Variants in CYP2C18 observed in about 807,000 individuals in gnomAD.
CYP2C18 encodes cytochrome P450 2C18.
A neutral mutation model predicts 41.3 loss-of-function variants in CYP2C18; 38 were observed. The observed-to-expected ratio is 0.92, with a 90% CI of 0.71 to 1.21. CYP2C18 has a LOEUF of 1.21. Ranked by LOEUF, CYP2C18 falls within the 50% of genes most tolerant of loss-of-function variation. The pLI is 0.00. For synonymous variants in CYP2C18, 236 were observed against 210.0 expected, an observed-to-expected ratio of 1.12 and a Z score of -1.07; for missense variants, 635 against 591.4, an observed-to-expected ratio of 1.07 and a Z score of -0.77.
chr10:94,712,158 A>ATTTT (rs201742942), intron 5 of CYP2C18, among the ~76,000 whole-genome samples: 6 of 142,296 alleles, frequency 4.2e-5, no homozygotes, highest in Non-Finnish European at 3.1e-5. Context: ...TCTTTTTCCA[A>ATTTT]TTTTTTTTTT....
intron 3 of CYP2C18, among the ~76,000 whole-genome samples, chr10:94,692,224 A>G (rs1423651321): frequency 6.6e-6 from 1 of 152,186 alleles, no homozygotes; most frequent in Non-Finnish European, 1.5e-5. Context: ...AACCACCATG[A>G]GAATGAACAA....
Position 94,735,349 on chromosome 10 carries a change from T to C in CYP2C18, c.1378T>C (p.Ser460Pro), listed in dbSNP as rs771902308. The change falls in exon 9 of 9, where the codon TCT becomes CCT. Residue 460 changes from serine to proline, a missense_variant. Transcript: ENST00000285979. Reference protein sequence around the residue: ...TTILQNFNLKSQVDPKDIDIT... With the variant: ...TTILQNFNLKPQVDPKDIDIT... ...CATTTTGCAGAACTTTAACCTGAAA[T>C]CTCAGGTTGACCCAAAGGATATTGA... The C allele has an allele frequency of 2.4e-5, 39 of 1,613,606 alleles. No individual in the cohort carries two copies. Among genetic ancestry groups the C allele is most frequent in the Non-Finnish European group, 3.1e-5 (36 of 1,179,764 alleles).
intron 4 of CYP2C18, among the ~76,000 whole-genome samples, chr10:94,706,120 G>T (rs1168037629): frequency 6.6e-6 from 1 of 152,148 alleles, no homozygotes; most frequent in Non-Finnish European, 1.5e-5. Context: ...GGTAATTAAG[G>T]TTAAGATGAC....
At chr10:94,726,236 A>G (rs1847739494) in intron 7 of CYP2C18, among the ~76,000 whole-genome samples, 2 of 152,086 alleles carry the variant, frequency 1.3e-5, no homozygotes, top group South Asian at 4.1e-4. Context: ...TCTGGGATAC[A>G]TGTGCAGAAT....
chr10:94,684,305 T>A (rs1846843957), intron 1 of CYP2C18, among the ~76,000 whole-genome samples: 2 of 152,284 alleles, frequency 1.3e-5, no homozygotes, highest in South Asian at 4.1e-4. Flanking sequence ...ATTCCTCCTA[T>A]CTAAGTGTAA....
rs974717009 is a variant in CYP2C18, at chr10:94,713,830, C to T, written c.820-6566C>T. Among the ~76,000 whole-genome samples the T allele has an allele frequency of 3.3e-5, 5 of 152,324 alleles. No individual in the cohort carries two copies. In the East Asian group the frequency reaches 9.6e-4, roughly 29 times the overall value. On this transcript the variant is annotated intron_variant, in intron 5 of 8. Transcript: ENST00000285979. The stretch of plus-strand genomic sequence containing the variant: ...TAAAAGTGTTCCTATTTCTCCACAT[C>T]CTCTCCAGCACCTGTTTCCTGACTT...
At chr10:94,701,819 G>T in intron 4 of CYP2C18, among the ~76,000 whole-genome samples, 1 of 152,144 alleles carries the variant, frequency 6.6e-6, no homozygotes, top group Non-Finnish European at 1.5e-5. Flanking sequence ...AGAGAATGAG[G>T]TGGAGAGGAG....
At chr10:94,712,417 A>T (rs2134195230) in intron 5 of CYP2C18, among the ~76,000 whole-genome samples, 1 of 150,786 alleles carries the variant, frequency 6.6e-6, no homozygotes, top group East Asian at 2.0e-4. Flanking sequence ...TTTAGATTCC[A>T]CATATAAGTG....
chr10:94,722,285 A>T (rs1213677680), intron 6 of CYP2C18, among the ~76,000 whole-genome samples: 1 of 152,110 alleles, frequency 6.6e-6, no homozygotes, highest in Non-Finnish European at 1.5e-5. Context: ...TAGGGTCAAT[A>T]GTTTTATCTT....
At chr10:94,730,206 A>G (rs1454736165) in intron 7 of CYP2C18, among the ~76,000 whole-genome samples, 2 of 152,200 alleles carry the variant, frequency 1.3e-5, no homozygotes, top group African/African-American at 4.8e-5. Context: ...GCTAAGTCAT[A>G]TATACACATC....
rs191727335 is a variant in CYP2C18 at position 94,721,026 on chromosome 10, T to C, written c.961+489T>C. Among the ~76,000 whole-genome samples, 176 of 152,022 alleles carry C rather than the reference T, an allele frequency of 1.2e-3. 1 individual carries two copies. The highest frequency in any genetic ancestry group is 2.9e-3 in the African/African-American group (120 of 41,568). On this transcript the variant is annotated intron_variant, in intron 6 of 8. Coordinates refer to ENST00000285979, the MANE Select transcript of CYP2C18 (RefSeq NM_000772.3). The stretch of plus-strand genomic sequence containing the variant: ...ATGCTCTTTCTTTCTTTCTTTCTTT[T>C]TTTTTGAGACAGAGTCTCACTGTGT...
intron 7 of CYP2C18, 49 bp downstream of exon 7, chr10:94,724,582 A>G (rs141675503): frequency 6.0e-6 from 9 of 1,510,702 alleles, no homozygotes; most frequent in Middle Eastern, 1.7e-4. Context: ...CAAGTCCCCA[A>G]ATTCATAGTA....
intron 4 of CYP2C18, 105 bp from the exon 5 acceptor site, chr10:94,706,679 G>A (rs1847348744): frequency 3.3e-6 from 2 of 613,804 alleles, no homozygotes; most frequent in African/African-American, 1.9e-5. Flanking sequence ...CTTACAGAGG[G>A]AGATAATTTT....
intron 7 of CYP2C18, chr10:94,728,596 A>C: frequency 1.0e-6 from 1 of 965,968 alleles, no homozygotes; most frequent in Non-Finnish European, 1.2e-6. Flanking sequence ...CACGTGTTTT[A>C]ACTAAAAGAA....
intron 4 of CYP2C18, among the ~76,000 whole-genome samples, chr10:94,698,150 C>G (rs1393987465): frequency 2.0e-5 from 3 of 152,212 alleles, no homozygotes; most frequent in Admixed American, 6.5e-5. Context: ...ATCTGCAGAA[C>G]TCTCCACCCC....
At chr10:94,734,851 G>A (rs2134213389) in intron 8 of CYP2C18, among the ~76,000 whole-genome samples, 1 of 152,146 alleles carries the variant, frequency 6.6e-6, no homozygotes, top group Middle Eastern at 3.4e-3. Flanking sequence ...AAGTACACTA[G>A]GAAAAAAAAT....
At chr10:94,698,767 T>A (rs1192725258) in intron 4 of CYP2C18, among the ~76,000 whole-genome samples, 3 of 151,224 alleles carry the variant, frequency 2.0e-5, no homozygotes, top group African/African-American at 7.3e-5. Flanking sequence ...GAAGAATCAG[T>A]TAGATGCAAT....
intron 7 of CYP2C18, among the ~76,000 whole-genome samples, chr10:94,725,206 C>T (rs1176789740): frequency 6.6e-6 from 1 of 151,034 alleles, no homozygotes; most frequent in South Asian, 2.1e-4. Flanking sequence ...TCCTGAGTAG[C>T]TGGGATTAGA....
chr10:94,691,643 T>C (rs1241528156), intron 3 of CYP2C18, among the ~76,000 whole-genome samples: 1 of 152,164 alleles, frequency 6.6e-6, no homozygotes, highest in East Asian at 1.9e-4. Context: ...AAGCTAACAA[T>C]GACTTTCTTC....
Sources: allele counts gnomAD v4.1 joint callset (sites outside exome capture counted in the v4.1 genomes callset), GRCh38; gene constraint gnomAD v4.1.1; transcripts MANE v1.5; gene names NCBI Gene and HGNC (gene_info 2026-07-23, HGNC 2026-07-21).